Variants in RELB observed in about 807,000 individuals in gnomAD.
RELB encodes transcription factor RelB.
A neutral mutation model predicts 55.4 loss-of-function variants in RELB; 14 were observed. The ratio of observed to expected loss-of-function variants is 0.25; its 90% CI spans 0.17 to 0.40. The LOEUF (loss-of-function observed/expected upper bound fraction) is 0.40. RELB is among the 10% of genes least tolerant of loss of function. RELB has a pLI of 1.00. For missense variants in RELB, 669 were observed against 830.7 expected (o/e 0.81, Z 2.39); for synonymous variants, 409 against 371.3 (o/e 1.10, Z -1.17).
chr19:45,017,373 G>A (rs758372409), intron 4 of RELB, among the ~76,000 whole-genome samples: 20 of 149,440 alleles, frequency 1.3e-4, no homozygotes, highest in Non-Finnish European at 2.4e-4. Flanking sequence ...CGGACCACCT[G>A]AGGTTAGGAG....
chr19:45,025,057 C>G (rs1971540883), intron 5 of RELB, among the ~76,000 whole-genome samples: 1 of 152,044 alleles, frequency 6.6e-6, no homozygotes, highest in South Asian at 2.1e-4. Context: ...CAGGGTTTCA[C>G]CATGTTGGCC....
At chr19:45,009,695 C>T (rs964691589) in intron 2 of RELB, 119 bp from the exon 3 acceptor site, 64 of 1,173,666 alleles carry the variant, frequency 5.5e-5, no homozygotes, top group Middle Eastern at 3.9e-4. Flanking sequence ...TTTCCCAGGA[C>T]GGAGGAAGAC....
At position 45,001,705 on chromosome 19, in the gene RELB, A is replaced by G; in HGVS notation, c.106+20A>G. ...CCTTAGGTAAGCGGGGCTGGGGTTC[A>G]GGAGAGGGGTCTGGGGCGGGGCTGG... is the stretch of plus-strand genomic sequence containing the variant. On this transcript the variant is annotated intron_variant, in intron 1 of 11. Coordinates refer to ENST00000221452, the MANE Select transcript of RELB (RefSeq NM_006509.4). The G allele has an allele frequency of 7.1e-7, 1 of 1,409,622 alleles. No homozygotes were observed. Among genetic ancestry groups the G allele is most frequent in the Non-Finnish European group, 9.5e-7 (1 of 1,047,916 alleles). The allele number at this position is 1,409,622 out of a possible 1,614,324, so 87.3% of individuals were successfully genotyped here. A position where few individuals can be genotyped will look rare whatever the true frequency, so the allele number is the denominator to read the frequency against.
intron 3 of RELB, 143 bp from the exon 4 acceptor site, chr19:45,011,793 T>TGAGAGA (rs1368382730): frequency 1.8e-5 from 4 of 228,078 alleles, no homozygotes; most frequent in African/African-American, 1.2e-4. Context: ...TGTGTGTGTG[T>TGAGAGA]GTGTGAGAGA....
chr19:45,034,597 C>G, intron 11 of RELB, 69 bp downstream of exon 11: 1 of 1,385,220 alleles, frequency 7.2e-7, no homozygotes, highest in Non-Finnish European at 1.0e-6. Context: ...CCCTGCTTTT[C>G]TGGCCTCTTC....
At chr19:45,014,358 T>G (rs1482799392) in intron 4 of RELB, among the ~76,000 whole-genome samples, 1 of 151,090 alleles carries the variant, frequency 6.6e-6, no homozygotes, top group Non-Finnish European at 1.5e-5. Context: ...TTTTGAAGAG[T>G]TGGCATCTCA....
intron 4 of RELB, 180 bp from the exon 5 acceptor site, chr19:45,021,873 C>T (rs2122451520): frequency 1.7e-6 from 1 of 578,272 alleles, no homozygotes; most frequent in East Asian, 3.3e-5. Context: ...CCTCGCCCGG[C>T]CCAAAGTGGT....
intron 2 of RELB, among the ~76,000 whole-genome samples, chr19:45,009,360 C>A (rs983283715): frequency 6.6e-6 from 1 of 152,124 alleles, no homozygotes; most frequent in African/African-American, 2.4e-5. Flanking sequence ...GGATTACAGG[C>A]GTGAGCCACC....
intron 4 of RELB, among the ~76,000 whole-genome samples, chr19:45,019,600 G>A (rs956850047): frequency 7.9e-5 from 12 of 151,990 alleles, no homozygotes; most frequent in African/African-American, 2.9e-4. Flanking sequence ...CTTAATCCAG[G>A]ATTTAACCAA....
Position 45,003,541 on chromosome 19 carries a change from TTCTTTAGA to T in RELB, c.154+546_154+553del, listed in dbSNP as rs778850004. On this transcript the variant is annotated intron_variant, in intron 2 of 11. Transcript: ENST00000221452. ...TTACCACCTATCCATGCGCAAAGGC[TTCTTTAGA>T]GATTCACTGTGGCTTAGTAGAAGGT... is the stretch of plus-strand genomic sequence containing the variant. The T allele has an allele frequency of 2.7e-4, 140 of 517,064 alleles. 1 individual carries two copies. The highest frequency in any genetic ancestry group is 1.6e-3 in the South Asian group (117 of 71,478). 32.0% of individuals were successfully genotyped at this position (517,064 alleles called of 1,614,324 possible).
chr19:45,012,324 G>T, intron 4 of RELB, 48 bp downstream of exon 4: 1 of 1,181,626 alleles, frequency 8.5e-7, no homozygotes, highest in Non-Finnish European at 1.1e-6. Flanking sequence ...GGCTTCCCCT[G>T]CACCCCGGAG....
chr19:45,004,836 C>T (rs934271356), intron 2 of RELB, among the ~76,000 whole-genome samples: 1 of 151,344 alleles, frequency 6.6e-6, no homozygotes, highest in Non-Finnish European at 1.5e-5. Context: ...CATTGCACTC[C>T]AGCCTGGGCA....
At chr19:45,022,313 C>G in intron 5 of RELB, 103 bp downstream of exon 5, 1 of 1,170,414 alleles carries the variant, frequency 8.5e-7, no homozygotes, top group Non-Finnish European at 1.2e-6. Flanking sequence ...CTTGGGTAAA[C>G]CCTCCCCACT....
At chr19:45,027,913 C>T (rs1421367543) in intron 7 of RELB, among the ~76,000 whole-genome samples, 1 of 152,116 alleles carries the variant, frequency 6.6e-6, no homozygotes, top group Admixed American at 6.6e-5. Context: ...TAGGGTCTCA[C>T]TCTGTTGCCT....
At chr19:45,009,660 T>G (rs1432169854) in intron 2 of RELB, among the ~76,000 whole-genome samples, 154 bp from the exon 3 acceptor site, 1 of 152,156 alleles carries the variant, frequency 6.6e-6, no homozygotes, top group East Asian at 1.9e-4. Flanking sequence ...TGGGGTTTAG[T>G]GCCCCAGCAA....
At chr19:45,031,485 G>A (rs886965422) in intron 8 of RELB, among the ~76,000 whole-genome samples, 3 of 152,164 alleles carry the variant, frequency 2.0e-5, no homozygotes, top group Non-Finnish European at 4.4e-5. Context: ...GATCATAGCT[G>A]TGAGTATGAC....
intron 4 of RELB, among the ~76,000 whole-genome samples, chr19:45,021,654 A>G (rs1326774999): frequency 7.7e-5 from 10 of 129,070 alleles, no homozygotes. Context: ...GGCTCACTGC[A>G]TCCTCCGCCT....
At position 45,037,605 on chromosome 19, in the gene RELB, G is replaced by A. The variant is rs753113339; in HGVS notation, c.1555G>A (p.Gly519Arg). ...PPHASAVVCS[G>R]GAGAVVGETP... The stretch of plus-strand genomic sequence containing the variant: ...ACACGCTAGCGCTGTTGTGTGCAGC[G>A]GAGGTGCCGGGGCCGTGGTTGGGGA... The change falls in exon 12 of 12, where the codon GGA becomes AGA. Residue 519 changes from glycine to arginine, a missense_variant. By Grantham distance (125) the Gly-to-Arg change is moderately radical (BLOSUM62 -2). This residue lies in a region of RELB where 341 missense variants were observed against 436.8 expected (regional missense o/e 0.78). Coordinates refer to ENST00000221452, the MANE Select transcript of RELB (RefSeq NM_006509.4). The A allele has an allele frequency of 5.6e-6, 9 of 1,606,572 alleles. No individual in the cohort carries two copies. The highest frequency in any genetic ancestry group is 1.7e-4 in the Middle Eastern group (1 of 6,058).
chr19:45,025,536 C>T lies in RELB; in HGVS notation c.755-70C>T. 4.4e-6 allele frequency: 7 copies of T among 1,595,860 alleles called. No homozygotes were observed. In the South Asian group the frequency reaches 7.8e-5, roughly 18 times the overall value. ...ACCGTCTCCTCCAGCCCCATCCCTTCCCCGTTCCCCTGTACCCCAGAGAGG... is the reference window on the plus strand; with the variant it reads ...ACCGTCTCCTCCAGCCCCATCCCTTTCCCGTTCCCCTGTACCCCAGAGAGG... On this transcript the variant is annotated intron_variant, in intron 6 of 11. Coordinates refer to ENST00000221452, the MANE Select transcript of RELB (RefSeq NM_006509.4).
Sources: gnomAD v4.1 joint callset for allele counts (sites outside exome capture counted in the v4.1 genomes callset) on GRCh38, gnomAD v4.1.1 for gene constraint, gnomAD v4.1.1 regional missense constraint, MANE v1.5 for transcripts, NCBI Gene and HGNC (gene_info 2026-07-23, HGNC 2026-07-21) for gene names.